ZNF397: variants seen among roughly 807,000 people sequenced by gnomAD.
The protein encoded by ZNF397 is zinc finger and SCAN domain-containing protein 15.
A neutral mutation model predicts 50.6 loss-of-function variants in ZNF397; 38 were observed. The ratio of observed to expected loss-of-function variants is 0.75; its 90% CI spans 0.58 to 0.98. The LOEUF (loss-of-function observed/expected upper bound fraction) is 0.98, where lower values mean the gene tolerates loss of function less well. Among genes scored for constraint, ZNF397 ranks in the 50% least tolerant of loss-of-function variants. The pLI, the probability that ZNF397 is intolerant of heterozygous loss-of-function variation, is 0.00. For missense variants in ZNF397, 624 were observed against 624.1 expected (o/e 1.00, Z 0.00); for synonymous variants, 228 against 215.2 (o/e 1.06, Z -0.52).
At chr18:35,257,256 T>C (rs934894366) in intron 5 of ZNF397, 1 of 152,444 alleles carries the variant, frequency 6.6e-6, no homozygotes, top group East Asian at 1.9e-4. Flanking sequence ...CTTAATGCTA[T>C]GTCAGTGATG....
At chr18:35,252,738 T>C (rs1254518580), downstream of ZNF397, 1 of 152,196 alleles carries the variant, frequency 6.6e-6, no homozygotes, top group Non-Finnish European at 1.5e-5. Flanking sequence ...TACCACACTT[T>C]ACTGTAATTA....
At position 35,245,730 on chromosome 18, in the gene ZNF397, A is replaced by C; in HGVS notation, c.1025A>C (p.Glu342Ala). Reference sequence around the variant, plus strand: ...ATTCATAGTGGTGAGAAAGCATATGAATGTAGTGAATGTGGGAAAGCTTTC... The same window carrying C: ...ATTCATAGTGGTGAGAAAGCATATGCATGTAGTGAATGTGGGAAAGCTTTC... ...QRIHSGEKAYECSECGKAFNQ... is the reference protein window; with the variant it reads ...QRIHSGEKAYACSECGKAFNQ... Residue 342 changes from glutamate to alanine, a missense_variant, in exon 4 of 4, where the codon GAA becomes GCA. Physicochemically the swap from Glu to Ala is moderately radical, Grantham distance 107. Coordinates refer to ENST00000330501, the MANE Select transcript of ZNF397 (RefSeq NM_001135178.3). 1 of 1,552,142 alleles carries C rather than the reference A, an allele frequency of 6.4e-7. No homozygotes were observed.
downstream of ZNF397, chr18:35,251,448 C>G (rs1298496753): frequency 6.6e-6 from 1 of 152,372 alleles, no homozygotes; most frequent in East Asian, 1.9e-4. Context: ...TGCACAACCT[C>G]TGGACACAAA....
chr18:35,249,871 T>G (rs1034013484), downstream of ZNF397: 1 of 152,156 alleles, frequency 6.6e-6, no homozygotes, highest in Non-Finnish European at 1.5e-5. Context: ...TCTTGTGCTT[T>G]TTTGTGTTTT....
chr18:35,254,395 TA>T, downstream of ZNF397: 2 of 1,613,964 alleles, frequency 1.2e-6, no homozygotes, highest in Non-Finnish European at 1.7e-6. Flanking sequence ...AAAATGTGAA[TA>T]GAAAGTGTAA....
chr18:35,247,143 A>T lies in ZNF397; in HGVS notation c.*833A>T. ...GGAGCATTCCTTGAGTTCCTGTTGTAGTGAGGTCTTGTCTGTCAGAGAAGT... is the reference window on the plus strand; with the variant it reads ...GGAGCATTCCTTGAGTTCCTGTTGTTGTGAGGTCTTGTCTGTCAGAGAAGT... On this transcript the variant is annotated 3_prime_UTR_variant, in exon 4 of 4. Transcript: ENST00000330501. 3.0e-6 allele frequency: 3 copies of T among 985,580 alleles called. No individual in the cohort carries two copies. Among genetic ancestry groups the T allele is most frequent in the Non-Finnish European group, 3.6e-6 (3 of 830,032 alleles). 61.1% of individuals were successfully genotyped at this position (985,580 alleles called of 1,614,324 possible). A position where few individuals can be genotyped will look rare whatever the true frequency, so the allele number is the denominator to read the frequency against.
rs1912640953 is a variant in ZNF397 at position 35,243,099 on chromosome 18, C to T, written c.415-53C>T. 6 of 1,609,492 alleles carry T rather than the reference C, an allele frequency of 3.7e-6. No homozygotes were observed. The South Asian group carries it at 4.4e-5, about 12-fold the overall frequency. ...TGACCTCTTTGAGATTTTTACTAAG[C>T]AAGTTTTCTTAGGGATTTTCTCACA... On this transcript the variant is annotated intron_variant, in intron 2 of 3. Transcript: ENST00000330501.
rs1309278818 is a variant in ZNF397, at chr18:35,245,712, G to A, written c.1007G>A (p.Ser336Asn). ...SYLIIHQRIHSGEKAYECSEC... is the reference protein window; with the variant it reads ...SYLIIHQRIHNGEKAYECSEC... ...CTTATTATTCATCAGAGAATTCATA[G>A]TGGTGAGAAAGCATATGAATGTAGT... Residue 336 changes from serine (S) to asparagine (N), a missense_variant, in exon 4 of 4, where the codon AGT becomes AAT. Coordinates refer to ENST00000330501, the MANE Select transcript of ZNF397 (RefSeq NM_001135178.3). 1.9e-6 allele frequency: 3 copies of A among 1,552,024 alleles called. No individual in the cohort carries two copies. In the African/African-American group the frequency reaches 4.1e-5, roughly 21 times the overall value.
chr18:35,255,430 G>T (rs1184589604), intron 5 of ZNF397, among the ~76,000 whole-genome samples: 1 of 151,966 alleles, frequency 6.6e-6, no homozygotes, highest in East Asian at 2.0e-4. Context: ...TCAGGAAACT[G>T]AGGCTCAGAG....
downstream of ZNF397, chr18:35,251,592 A>T (rs1233677224): frequency 6.6e-6 from 1 of 152,126 alleles, no homozygotes; most frequent in Non-Finnish European, 1.5e-5. Context: ...GTGGGAGGTG[A>T]TTAGATCATG....
Position 35,246,626 on chromosome 18 carries a change from G to A in ZNF397, c.*316G>A. Reference sequence around the variant, plus strand: ...AAAGTGTCATGAATATAGCAACCCAGGCTCTGTCACTGCATCTGATTGTTA... The same window carrying A: ...AAAGTGTCATGAATATAGCAACCCAAGCTCTGTCACTGCATCTGATTGTTA... On this transcript the variant is annotated 3_prime_UTR_variant, in exon 4 of 4. Coordinates refer to ENST00000330501, the MANE Select transcript of ZNF397 (RefSeq NM_001135178.3). 9.3e-7 allele frequency: 1 copy of A among 1,078,246 alleles called. No homozygotes were observed. Among genetic ancestry groups the A allele is most frequent in the Non-Finnish European group, 1.1e-6 (1 of 888,496 alleles). 66.8% of individuals were successfully genotyped at this position (1,078,246 alleles called of 1,614,324 possible). A position where few individuals can be genotyped will look rare whatever the true frequency, so the allele number is the denominator to read the frequency against.
chr18:35,253,692 A>T (rs763922297), downstream of ZNF397: 1 of 1,614,144 alleles, frequency 6.2e-7, no homozygotes, highest in Admixed American at 1.7e-5. Context: ...CATGCAATAC[A>T]TTCATAGCTT....
downstream of ZNF397, chr18:35,253,861 T>C: frequency 1.2e-6 from 2 of 1,614,192 alleles, no homozygotes; most frequent in Non-Finnish European, 1.7e-6. Flanking sequence ...ATTCACAACA[T>C]TCATAGGGTT....
chr18:35,250,828 C>T (rs2077336292), downstream of ZNF397, among the ~76,000 whole-genome samples: 1 of 152,220 alleles, frequency 6.6e-6, no homozygotes, highest in African/African-American at 2.4e-5. Flanking sequence ...CCTTCTTGCT[C>T]TCATTCCCAT....
Position 35,245,608 on chromosome 18 carries a change from A to T in ZNF397, c.903A>T (p.Thr301=). The part of the protein sequence containing the change: ...GHSFKQHSSL[T]QHQRIHTGEK... ...GCTTCAAGCAGCATTCCTCTCTAACACAACATCAGAGAATCCATACTGGAG... is the reference window on the plus strand; with the variant it reads ...GCTTCAAGCAGCATTCCTCTCTAACTCAACATCAGAGAATCCATACTGGAG... The change falls in exon 4 of 4, where the codon ACA becomes ACT. Residue 301 remains threonine (T), a synonymous_variant. Coordinates refer to ENST00000330501, the MANE Select transcript of ZNF397 (RefSeq NM_001135178.3). 6.4e-7 allele frequency: 1 copy of T among 1,554,224 alleles called. No individual in the cohort carries two copies. Among genetic ancestry groups the T allele is most frequent in the Middle Eastern group, 1.7e-4 (1 of 6,000 alleles).
chr18:35,245,297 A>G lies in ZNF397; in HGVS notation c.592A>G (p.Ile198Val). 2 of 1,610,606 alleles carry G rather than the reference A, an allele frequency of 1.2e-6. No homozygotes were observed. Among genetic ancestry groups the G allele is most frequent in the Non-Finnish European group, 1.7e-6 (2 of 1,177,694 alleles). ...ENSETATKEG[I>V]SEEKSQGLPQ... ...CAGTGAAACAGCAACAAAAGAGGGC[A>G]TCTCAGAAGAAAAATCACAGGGACT... Residue 198 changes from isoleucine to valine, a missense_variant, in exon 4 of 4, where the codon ATC (isoleucine) becomes GTC (valine). Coordinates refer to ENST00000330501, the MANE Select transcript of ZNF397 (RefSeq NM_001135178.3).
chr18:35,248,115 T>C lies in ZNF397; in HGVS notation c.*1805T>C, dbSNP rs1030737467. On this transcript the variant is annotated 3_prime_UTR_variant, in exon 4 of 4. Coordinates refer to ENST00000330501, the MANE Select transcript of ZNF397 (RefSeq NM_001135178.3). ...ATGCTTAGTGTAAGAAGGAATGTTG[T>C]ACAGGTTAACCAGCAACACAAAGAC... The C allele has an allele frequency of 3.3e-5, 5 of 152,224 alleles. No homozygotes were observed. Among genetic ancestry groups the C allele is most frequent in the African/African-American group, 1.2e-4 (5 of 41,452 alleles). 9.4% of individuals were successfully genotyped at this position (152,224 alleles called of 1,614,324 possible). A position where few individuals can be genotyped will look rare whatever the true frequency, so the allele number is the denominator to read the frequency against.
chr18:35,249,024 ACT>A lies in ZNF397; in HGVS notation c.*2720_*2721del, dbSNP rs962586987. 2.6e-5 allele frequency: 4 copies of A among 151,906 alleles called. No individual in the cohort carries two copies. The highest frequency in any genetic ancestry group is 4.4e-5 in the Non-Finnish European group (3 of 67,988). 9.4% of individuals were successfully genotyped at this position (151,906 alleles called of 1,614,324 possible). On this transcript the variant is annotated 3_prime_UTR_variant, in exon 4 of 4. Coordinates refer to ENST00000330501, the MANE Select transcript of ZNF397 (RefSeq NM_001135178.3). ...CCTGACTGTGGAGCCACTTCAGTAT[ACT>A]CTCTCCCCATAAGAAAGTTCCAATA...
chr18:35,254,461 A>G (rs544604496), downstream of ZNF397: 2,074 of 1,604,614 alleles, frequency 1.3e-3, 36 homozygotes, highest in South Asian at 0.022. Context: ...CACAAACTCA[A>G]TGAAATAGGT....
Sources: allele counts gnomAD v4.1 joint callset (sites outside exome capture counted in the v4.1 genomes callset), GRCh38; gene constraint gnomAD v4.1.1; transcripts MANE v1.5; gene names NCBI Gene and HGNC (gene_info 2026-07-23, HGNC 2026-07-21).